The following DDX43 variants were observed in gnomAD, a reference collection of about 807,000 sequenced individuals.
DDX43 encodes probable ATP-dependent RNA helicase DDX43.
DDX43 carries 50 observed loss-of-function variants against 84.9 expected under a neutral mutation model. The observed-to-expected ratio is 0.59, with a 90% confidence interval of 0.47 to 0.75. DDX43 has a LOEUF of 0.75. Among genes scored for constraint, DDX43 ranks in the 30% least tolerant of loss-of-function variants. The pLI, the probability that DDX43 is intolerant of heterozygous loss-of-function variation, is 0.00. For synonymous variants in DDX43, 291 were observed against 266.3 expected, an observed-to-expected ratio of 1.09 and a Z score of -0.90; for missense variants, 689 against 798.6, an observed-to-expected ratio of 0.86 and a Z score of 1.65.
intron 2 of DDX43, among the ~76,000 whole-genome samples, chr6:73,399,535 C>T (rs1266408095): frequency 2.0e-5 from 3 of 152,286 alleles, no homozygotes; most frequent in African/African-American, 4.8e-5. Context: ...ATAATGGCCT[C>T]GTTTCAGCAC....
intron 11 of DDX43, 82 bp from the exon 12 acceptor site, chr6:73,413,576 G>A: frequency 2.2e-6 from 3 of 1,340,146 alleles, no homozygotes; most frequent in South Asian, 1.6e-5. Context: ...CAATGAGAGA[G>A]AAGATGCATT....
chr6:73,414,798 A>G (rs1769870049), intron 14 of DDX43, 112 bp downstream of exon 14: 1 of 991,740 alleles, frequency 1.0e-6, no homozygotes, highest in Non-Finnish European at 1.5e-6. Context: ...TTTTTCAGCT[A>G]CTTCCCAGAT....
At chr6:73,405,635 G>A (rs1406221513) in intron 5 of DDX43, 44 bp from the exon 6 acceptor site, 9 of 1,595,308 alleles carry the variant, frequency 5.6e-6, no homozygotes, top group African/African-American at 1.3e-5. Flanking sequence ...TCTTGCTTGG[G>A]GAGTAAAGTG....
chr6:73,404,137 C>A (rs573007691), intron 4 of DDX43, among the ~76,000 whole-genome samples: 2 of 136,728 alleles, frequency 1.5e-5, no homozygotes, highest in South Asian at 4.8e-4. Flanking sequence ...TTTTCTGAGA[C>A]AGAGTTTCAC....
At position 73,400,273 on chromosome 6, in the gene DDX43, G is replaced by C. The variant is rs766672479; in HGVS notation, c.346G>C (p.Gly116Arg). The C allele has an allele frequency of 6.2e-7, 1 of 1,603,686 alleles. No homozygotes were observed. The highest frequency in any genetic ancestry group is 8.5e-7 in the Non-Finnish European group (1 of 1,175,936). Residue 116 changes from glycine (G) to arginine (R), a missense_variant, in exon 3 of 17, where the codon GGC becomes CGC. Coordinates refer to ENST00000370336, the MANE Select transcript of DDX43 (RefSeq NM_018665.3). ...ACCAGAATCATTAGTCAAAATTTTT[G>C]GCAGCAAGGCAATGCAAACGAAAGC... ...EQPESLVKIFGSKAMQTKAKA... is the reference protein window; with the variant it reads ...EQPESLVKIFRSKAMQTKAKA...
chr6:73,416,288 G>C, intron 16 of DDX43, 37 bp downstream of exon 16: 1 of 815,170 alleles, frequency 1.2e-6, no homozygotes, highest in Non-Finnish European at 2.1e-6. Flanking sequence ...TAAAATGCCT[G>C]CTTACTTAAA....
chr6:73,395,638 A>G (rs952874840), intron 1 of DDX43, among the ~76,000 whole-genome samples: 6 of 151,572 alleles, frequency 4.0e-5, no homozygotes, highest in African/African-American at 1.2e-4. Context: ...AAAAAAAGTA[A>G]TTTAATCCAC....
Position 73,409,343 on chromosome 6 carries a change from G to T in DDX43, c.1275G>T (p.Met425Ile). 1 of 1,611,368 alleles carries T rather than the reference G, an allele frequency of 6.2e-7. No individual in the cohort carries two copies. The highest frequency in any genetic ancestry group is 1.1e-5 in the South Asian group (1 of 90,992). Residue 425 changes from methionine to isoleucine, a missense_variant, in exon 10 of 17, where the codon ATG (methionine) becomes ATT (isoleucine). By Grantham distance (10) the Met-to-Ile change is conservative (BLOSUM62 1). Transcript: ENST00000370336. ...LDVRPDRQTVMTSATWPHSVH... is the reference protein window; with the variant it reads ...LDVRPDRQTVITSATWPHSVH... ...TGCGCCCAGATAGGCAGACAGTTAT[G>T]ACCAGGTACGTATATGCTTAATTAC...
intron 1 of DDX43, 72 bp downstream of exon 1, chr6:73,395,227 C>T (rs112720352): frequency 6.7e-7 from 1 of 1,494,722 alleles, no homozygotes; most frequent in African/African-American, 1.4e-5. Flanking sequence ...GGCATTTCCT[C>T]CCCACTGCCT....
chr6:73,416,210 C>A lies in DDX43; in HGVS notation c.1931C>A (p.Pro644His). ...ERKMERPQGR[P>H]KKFH ...AAAATGGAAAGACCTCAAGGAAGGC[C>A]CAAGAAGTTTCATTAATGTCTTCTG... Residue 644 changes from proline (P) to histidine (H), a missense_variant, in exon 16 of 17, where the codon CCC (proline) becomes CAC (histidine). Pro to His is a moderately conservative substitution (Grantham distance 77). This residue lies in a region of DDX43 where 552 missense variants were observed against 692.7 expected (regional missense o/e 0.80). Coordinates refer to ENST00000370336, the MANE Select transcript of DDX43 (RefSeq NM_018665.3). 6.3e-7 allele frequency: 1 copy of A among 1,584,916 alleles called. No homozygotes were observed. The highest frequency in any genetic ancestry group is 8.7e-7 in the Non-Finnish European group (1 of 1,153,684).
chr6:73,396,403 T>C (rs368686123), intron 1 of DDX43, among the ~76,000 whole-genome samples: 60 of 152,210 alleles, frequency 3.9e-4, no homozygotes, highest in African/African-American at 1.2e-3. Flanking sequence ...TGCTACAAAA[T>C]AGTGCATTGT....
rs1441683860 is a variant in DDX43, at chr6:73,395,085, C to T, written c.180C>T (p.Ala60=). ...RWRGTSRPPE[A]VAAGHEELPL... ...GAGGCACCTCTAGGCCCCCGGAGGCCGTGGCCGCTGGTCACGAGGAACTGC... is the reference window on the plus strand; with the variant it reads ...GAGGCACCTCTAGGCCCCCGGAGGCTGTGGCCGCTGGTCACGAGGAACTGC... Residue 60 remains alanine (A), a synonymous_variant, in exon 1 of 17, where the codon GCC becomes GCT. Coordinates refer to ENST00000370336, the MANE Select transcript of DDX43 (RefSeq NM_018665.3). The T allele has an allele frequency of 1.2e-6, 2 of 1,614,000 alleles. No individual in the cohort carries two copies. The highest frequency in any genetic ancestry group is 1.7e-6 in the Non-Finnish European group (2 of 1,179,988).
intron 10 of DDX43, among the ~76,000 whole-genome samples, chr6:73,411,460 C>T (rs1386203249): frequency 6.6e-6 from 1 of 151,442 alleles, no homozygotes; most frequent in East Asian, 2.0e-4. Flanking sequence ...TCCCGAGTAG[C>T]TGGGATTATA....
chr6:73,395,103 G>A lies in DDX43; in HGVS notation c.198G>A (p.Glu66=). ...RPPEAVAAGH[E]ELPLCFALKS... The stretch of plus-strand genomic sequence containing the variant: ...CGGAGGCCGTGGCCGCTGGTCACGA[G>A]GAACTGCCGCTGTGTTTTGCTTTGA... Residue 66 remains glutamate (E), a synonymous_variant, in exon 1 of 17, where the codon GAG becomes GAA. Coordinates refer to ENST00000370336, the MANE Select transcript of DDX43 (RefSeq NM_018665.3). 6.2e-7 allele frequency: 1 copy of A among 1,614,142 alleles called. No homozygotes were observed. Among genetic ancestry groups the A allele is most frequent in the Middle Eastern group, 1.7e-4 (1 of 6,054 alleles).
intron 5 of DDX43, 106 bp downstream of exon 5, chr6:73,404,877 A>G (rs996881987): frequency 1.2e-6 from 1 of 862,528 alleles, no homozygotes; most frequent in Non-Finnish European, 1.8e-6. Context: ...CGCCTTCAAT[A>G]TTCAAATGAA....
intron 4 of DDX43, among the ~76,000 whole-genome samples, chr6:73,403,029 A>C (rs1434227190): frequency 1.3e-5 from 2 of 152,248 alleles, no homozygotes; most frequent in Non-Finnish European, 2.9e-5. Context: ...TATGTTACCA[A>C]AATATTGACA....
chr6:73,409,678 T>C (rs1369979132), intron 10 of DDX43, among the ~76,000 whole-genome samples: 2 of 152,234 alleles, frequency 1.3e-5, no homozygotes, highest in East Asian at 3.8e-4. Context: ...GCAATGATTA[T>C]TTGAATGAGT....
At chr6:73,408,189 C>T (rs1769718234) in intron 9 of DDX43, 88 bp downstream of exon 9, 8 of 1,385,696 alleles carry the variant, frequency 5.8e-6, no homozygotes, top group Non-Finnish European at 5.9e-6. Context: ...AATCCGAGCA[C>T]TTTGGGAGGC....
intron 11 of DDX43, among the ~76,000 whole-genome samples, chr6:73,412,680 T>G (rs311688): frequency 9.2e-6 from 1 of 108,622 alleles, no homozygotes; most frequent in Admixed American, 9.3e-5. Flanking sequence ...CGCGCGCGCG[T>G]GTGTGTGTGT....
Sources: allele counts gnomAD v4.1 joint callset (sites outside exome capture counted in the v4.1 genomes callset), GRCh38; gene constraint gnomAD v4.1.1; regional missense constraint gnomAD v4.1.1; transcripts MANE v1.5; gene names NCBI Gene and HGNC (gene_info 2026-07-23, HGNC 2026-07-21).